Variants in RSF1 observed in about 807,000 individuals in gnomAD.
RSF1 encodes HBV pX-associated protein 8.
RSF1 carries 13 observed loss-of-function variants against 145.2 expected under a neutral mutation model. That is an observed-to-expected ratio of 0.09 (90% confidence interval 0.06 to 0.14). The LOEUF is 0.14. Among genes scored for constraint, RSF1 ranks in the 10% least tolerant of loss-of-function variants. The probability of loss-of-function intolerance (pLI) is 1.00; values close to 1 mark genes in which losing one functional copy is unlikely to be tolerated. For synonymous variants in RSF1, 577 were observed against 592.6 expected (o/e 0.97, Z 0.38); for missense variants, 1,517 against 1,718.2 (o/e 0.88, Z 2.07).
intron 1 of RSF1, among the ~76,000 whole-genome samples, chr11:77,815,490 A>C (rs2135992059): frequency 6.6e-6 from 1 of 152,336 alleles, no homozygotes; most frequent in East Asian, 1.9e-4. Flanking sequence ...CCTTGAATAC[A>C]TGATTCAGTT....
intron 2 of RSF1, among the ~76,000 whole-genome samples, chr11:77,755,409 T>G (rs970243491): frequency 1.3e-5 from 2 of 152,136 alleles, no homozygotes; most frequent in African/African-American, 4.8e-5. Context: ...ACAGGAAAAA[T>G]GCTTTTAACT....
the RSF1 span, among the ~76,000 whole-genome samples, chr11:77,848,359 CCT>C: frequency 2.0e-5 from 3 of 152,154 alleles, 1 homozygote; most frequent in South Asian, 6.2e-4. Flanking sequence ...TTACCATTAA[CCT>C]CATTCTTTTT....
At chr11:77,849,905 T>C in the RSF1 span, among the ~76,000 whole-genome samples, 25 of 152,206 alleles carry the variant, frequency 1.6e-4, no homozygotes, top group Admixed American at 5.2e-4. Context: ...GCTTACTCCC[T>C]TCCCTTATTT....
intron 2 of RSF1, among the ~76,000 whole-genome samples, chr11:77,759,709 G>T (rs1948152010): frequency 6.6e-6 from 1 of 152,046 alleles, no homozygotes; most frequent in African/African-American, 2.4e-5. Context: ...AAAATCCTTT[G>T]CAATATATAA....
intron 1 of RSF1, among the ~76,000 whole-genome samples, chr11:77,798,619 A>AAAAAAAAAAAC (rs1565184155): frequency 8.4e-6 from 1 of 119,398 alleles, no homozygotes; most frequent in Non-Finnish European, 1.7e-5. Context: ...AAAAAAAAAA[A>AAAAAAAAAAAC]AAAGGCACAT....
At chr11:77,728,440 C>T (rs1266024593) in intron 4 of RSF1, among the ~76,000 whole-genome samples, 4 of 151,380 alleles carry the variant, frequency 2.6e-5, no homozygotes, top group Non-Finnish European at 4.4e-5. Context: ...CTTTGGAGGG[C>T]GAGGCAGGCA....
chr11:77,699,246 G>T (rs1050724352), intron 6 of RSF1, among the ~76,000 whole-genome samples: 2 of 152,068 alleles, frequency 1.3e-5, no homozygotes, highest in African/African-American at 2.4e-5. Context: ...AAATAAGCCA[G>T]AACTGCATAT....
intron 9 of RSF1, among the ~76,000 whole-genome samples, chr11:77,686,421 A>AC (rs1565148173): frequency 6.7e-6 from 1 of 149,384 alleles, no homozygotes; most frequent in East Asian, 1.9e-4. Flanking sequence ...AAAAAAAAAA[A>AC]AAAAAAAGCA....
chr11:77,801,047 ACTC>A (rs1490093210), intron 1 of RSF1, among the ~76,000 whole-genome samples: 2 of 151,894 alleles, frequency 1.3e-5, no homozygotes, highest in East Asian at 3.9e-4. Flanking sequence ...TCCTTCTCAA[ACTC>A]CTCCAAAACA....
chr11:77,751,628 T>C (rs1378540233), intron 2 of RSF1, among the ~76,000 whole-genome samples: 1 of 152,230 alleles, frequency 6.6e-6, no homozygotes, highest in Non-Finnish European at 1.5e-5. Context: ...TTTCCATTAA[T>C]GCTACTTAGA....
chr11:77,778,162 GAAT>G (rs1223586105), intron 1 of RSF1, among the ~76,000 whole-genome samples: 21 of 54,580 alleles, frequency 3.8e-4, no homozygotes, highest in East Asian at 2.4e-3. Context: ...AGGGAAGGGG[GAAT>G]GGAGGGGGAG....
chr11:77,871,947 T>C, the RSF1 span, among the ~76,000 whole-genome samples: 6 of 152,336 alleles, frequency 3.9e-5, no homozygotes, highest in Non-Finnish European at 7.3e-5. Context: ...TGTTCTTTCA[T>C]TTCCATTTCA....
intron 1 of RSF1, among the ~76,000 whole-genome samples, chr11:77,813,001 CTT>C (rs1034038752): frequency 1.3e-5 from 2 of 151,658 alleles, no homozygotes; most frequent in African/African-American, 4.8e-5. Flanking sequence ...CTAAGCATAA[CTT>C]TTAATTCTTG....
chr11:77,728,924 C>A (rs1237710206), intron 4 of RSF1, among the ~76,000 whole-genome samples: 3 of 151,112 alleles, frequency 2.0e-5, no homozygotes. Context: ...GTGGCTTGGA[C>A]AAGAATGCAG....
chr11:77,710,917 G>A (rs529699283), intron 5 of RSF1, among the ~76,000 whole-genome samples: 1 of 152,166 alleles, frequency 6.6e-6, no homozygotes, highest in South Asian at 2.1e-4. Flanking sequence ...ACTACCTGGA[G>A]TGACAAGATG....
At chr11:77,815,117 G>A (rs1018758755) in intron 1 of RSF1, among the ~76,000 whole-genome samples, 1 of 152,234 alleles carries the variant, frequency 6.6e-6, no homozygotes, top group Non-Finnish European at 1.5e-5. Flanking sequence ...AATGCCTGCT[G>A]TTCTCTCTAG....
At chr11:77,803,966 C>T (rs904500966) in intron 1 of RSF1, among the ~76,000 whole-genome samples, 1 of 152,090 alleles carries the variant, frequency 6.6e-6, no homozygotes, top group African/African-American at 2.4e-5. Flanking sequence ...CTGTAGTCCC[C>T]CCTACTTGGC....
intron 1 of RSF1, among the ~76,000 whole-genome samples, chr11:77,778,212 G>A (rs1357135343): frequency 4.5e-5 from 3 of 66,396 alleles, no homozygotes; most frequent in African/African-American, 1.8e-4. Flanking sequence ...GGGAGAGGAT[G>A]GGGAGGGGAG....
chr11:77,831,861 A>G, the RSF1 span: 1 of 119,498 alleles, frequency 8.4e-6, no homozygotes, highest in African/African-American at 3.7e-5. Flanking sequence ...ATGCCTGGCT[A>G]ATTTTTTTTT....
Sources: gnomAD v4.1 joint callset for allele counts (sites outside exome capture counted in the v4.1 genomes callset) on GRCh38, gnomAD v4.1.1 for gene constraint, MANE v1.5 for transcripts, NCBI Gene and HGNC (gene_info 2026-07-23, HGNC 2026-07-21) for gene names.